Variants in SLC38A6 observed in about 807,000 individuals in gnomAD.
SLC38A6 encodes the protein solute carrier family 38 member 6, also known as N system amino acid transporter NAT-1.
Under a neutral mutation model 65.0 loss-of-function variants are expected in SLC38A6, and 73 were observed. That is an observed-to-expected ratio of 1.12 (90% confidence interval 0.93 to 1.37). SLC38A6 has a LOEUF of 1.37. SLC38A6 is among the 40% of genes most tolerant of loss of function. The probability of loss-of-function intolerance (pLI) is 0.00; values close to 1 mark genes in which losing one functional copy is unlikely to be tolerated. For missense variants in SLC38A6, 561 were observed against 531.1 expected (o/e 1.06, Z -0.55); for synonymous variants, 183 against 178.8 (o/e 1.02, Z -0.19).
chr14:61,042,648 C>A (rs563701592), intron 8 of SLC38A6, among the ~76,000 whole-genome samples: 2 of 152,102 alleles, frequency 1.3e-5, no homozygotes, highest in Non-Finnish European at 2.9e-5. Flanking sequence ...AAAAATAATT[C>A]AGATCTGTAA....
intron 3 of SLC38A6, among the ~76,000 whole-genome samples, chr14:61,011,003 TC>T (rs760180613): frequency 1.3e-5 from 2 of 152,188 alleles, no homozygotes; most frequent in Non-Finnish European, 2.9e-5. Flanking sequence ...CATTGATTCT[TC>T]CTACCCATGC....
intron 5 of SLC38A6, among the ~76,000 whole-genome samples, chr14:61,021,374 G>T (rs1274414325): frequency 6.6e-6 from 1 of 152,178 alleles, no homozygotes; most frequent in African/African-American, 2.4e-5. Context: ...TTCAAGTATT[G>T]TTCCAGAGGG....
chr14:61,025,726 G>A (rs1009417077), intron 5 of SLC38A6, among the ~76,000 whole-genome samples: 6 of 152,004 alleles, frequency 3.9e-5, no homozygotes, highest in Admixed American at 3.9e-4. Flanking sequence ...TAGGGTCATG[G>A]GGGAGCATTT....
intron 1 of SLC38A6, chr14:60,981,767 C>T: frequency 7.9e-7 from 1 of 1,260,144 alleles, no homozygotes; most frequent in Non-Finnish European, 1.0e-6. Flanking sequence ...TTTCCTCTTC[C>T]GACTTAGTCA....
In SLC38A6 at chr14:60,984,759, C is replaced by G; in HGVS notation, c.266C>G (p.Ala89Gly). The change falls in exon 3 of 16, where the codon GCT (alanine) becomes GGT (glycine). Residue 89 changes from alanine (A) to glycine (G), a missense_variant. Transcript: ENST00000267488. ...SFLLLTVALL[A>G]SYSVHLLLSM... ...TTGCTGCTGACAGTTGCTCTCCTGG[C>G]TTCTTACTCAGTCCATCTTCTGCTT... 1 of 1,614,006 alleles carries G rather than the reference C, an allele frequency of 6.2e-7. No individual in the cohort carries two copies.
intron 3 of SLC38A6, among the ~76,000 whole-genome samples, chr14:61,007,212 T>C (rs960265695): frequency 3.3e-4 from 50 of 152,202 alleles, no homozygotes; most frequent in South Asian, 6.2e-4. Flanking sequence ...TTAGGAGATA[T>C]ACCTAATGCT....
intron 3 of SLC38A6, among the ~76,000 whole-genome samples, chr14:60,995,497 T>C (rs1025942076): frequency 2.6e-5 from 4 of 152,186 alleles, no homozygotes; most frequent in South Asian, 2.1e-4. Context: ...GTTGCAGTTA[T>C]GTAGAATGAA....
intron 3 of SLC38A6, among the ~76,000 whole-genome samples, chr14:60,996,297 T>C: frequency 6.6e-6 from 1 of 152,264 alleles, no homozygotes; most frequent in South Asian, 2.1e-4. Flanking sequence ...TTAATAACTT[T>C]AGAGAACTAA....
At chr14:60,992,051 A>G (rs982749837) in intron 3 of SLC38A6, among the ~76,000 whole-genome samples, 1 of 152,332 alleles carries the variant, frequency 6.6e-6, no homozygotes, top group Admixed American at 6.5e-5. Context: ...TCTGTTACTC[A>G]GGTAGAAGAA....
At chr14:61,073,282 A>C (rs1040242392) in intron 15 of SLC38A6, among the ~76,000 whole-genome samples, 1 of 152,102 alleles carries the variant, frequency 6.6e-6, no homozygotes, top group Admixed American at 6.5e-5. Flanking sequence ...CTGATTCTTA[A>C]TCCCACTTCA....
At position 61,018,360 on chromosome 14, in the gene SLC38A6, C is replaced by T. The variant is rs1055972343; in HGVS notation, c.364-1181C>T. Among the ~76,000 whole-genome samples, 5 of 152,124 alleles carry T rather than the reference C, an allele frequency of 3.3e-5. No homozygotes were observed. The South Asian group carries it at 1.0e-3, about 31-fold the overall frequency. On this transcript the variant is annotated intron_variant, in intron 4 of 15. Coordinates refer to ENST00000267488, the MANE Select transcript of SLC38A6 (RefSeq NM_153811.3). ...GAAATGCAGAATTTTTTCTGGAGAG[C>T]GTTCAAGTGGCAATCACCACATCTC...
chr14:60,986,212 G>C (rs1177181559), intron 3 of SLC38A6, among the ~76,000 whole-genome samples: 2 of 152,200 alleles, frequency 1.3e-5, no homozygotes, highest in African/African-American at 4.8e-5. Flanking sequence ...GCTCTAGTTT[G>C]TTTTCCTAAA....
chr14:61,040,335 A>C (rs1386848449), intron 8 of SLC38A6, among the ~76,000 whole-genome samples: 2 of 146,534 alleles, frequency 1.4e-5, no homozygotes, highest in Admixed American at 6.8e-5. Flanking sequence ...CCACGCCTGG[A>C]TAATTTTTTT....
At chr14:61,076,660 CT>C (rs1231258825) in intron 15 of SLC38A6, among the ~76,000 whole-genome samples, 1 of 152,196 alleles carries the variant, frequency 6.6e-6, no homozygotes, top group Non-Finnish European at 1.5e-5. Flanking sequence ...TCAATATTGA[CT>C]GTGTTGAAGG....
chr14:60,985,227 G>A (rs2037369380), intron 3 of SLC38A6, among the ~76,000 whole-genome samples: 1 of 152,342 alleles, frequency 6.6e-6, no homozygotes, highest in African/African-American at 2.4e-5. Flanking sequence ...ATTGTAGGAA[G>A]TAAGGTCACA....
chr14:61,073,751 A>G (rs1035571994), intron 15 of SLC38A6: 20 of 152,060 alleles, frequency 1.3e-4, no homozygotes, highest in Admixed American at 8.5e-4. Flanking sequence ...TTATATTTAT[A>G]TGTAAATATA....
chr14:61,077,472 C>T (rs1245792235), intron 15 of SLC38A6, among the ~76,000 whole-genome samples: 1 of 152,054 alleles, frequency 6.6e-6, no homozygotes, highest in Non-Finnish European at 1.5e-5. Flanking sequence ...AAATTTTTGT[C>T]AACACTTCAG....
chr14:61,008,963 T>G (rs1402027107), intron 3 of SLC38A6, among the ~76,000 whole-genome samples: 1 of 152,186 alleles, frequency 6.6e-6, no homozygotes, highest in African/African-American at 2.4e-5. Flanking sequence ...CTTGAGTAAT[T>G]GTTCCATTTG....
intron 15 of SLC38A6, among the ~76,000 whole-genome samples, chr14:61,072,663 A>G (rs1377802652): frequency 6.6e-6 from 1 of 152,192 alleles, no homozygotes; most frequent in Non-Finnish European, 1.5e-5. Context: ...ATTTCACTTA[A>G]CATAATGGTC....
Sources: gnomAD v4.1 joint callset for allele counts (sites outside exome capture counted in the v4.1 genomes callset) on GRCh38, gnomAD v4.1.1 for gene constraint, MANE v1.5 for transcripts, NCBI Gene and HGNC (gene_info 2026-07-23, HGNC 2026-07-21) for gene names.